OR4N2: variants seen among roughly 807,000 people sequenced by gnomAD.
The protein encoded by OR4N2 is olfactory receptor 4N2.
For synonymous variants in OR4N2, 141 were observed against 140.4 expected, an observed-to-expected ratio of 1.00 and a Z score of -0.03; for missense variants, 307 against 377.6, an observed-to-expected ratio of 0.81 and a Z score of 1.55.
intron 1 of OR4N2, among the ~76,000 whole-genome samples, chr14:19,816,969 G>A (rs1313993764): frequency 6.6e-6 from 1 of 152,230 alleles, no homozygotes; most frequent in African/African-American, 2.4e-5. Flanking sequence ...TTTTTCACTG[G>A]TTCTGTTTAT....
intron 1 of OR4N2, among the ~76,000 whole-genome samples, chr14:19,810,468 C>T (rs1879268857): frequency 1.3e-5 from 2 of 152,252 alleles, no homozygotes; most frequent in Admixed American, 1.3e-4. Context: ...TATCATTTAA[C>T]CTAGCAATCT....
intron 1 of OR4N2, among the ~76,000 whole-genome samples, chr14:19,809,034 G>A (rs1243111174): frequency 6.6e-6 from 1 of 152,092 alleles, no homozygotes; most frequent in Non-Finnish European, 1.5e-5. Flanking sequence ...ACTCTGTTTA[G>A]AAGCCCCTAC....
At chr14:19,806,754 A>G (rs1268084332) in intron 1 of OR4N2, among the ~76,000 whole-genome samples, 1 of 152,206 alleles carries the variant, frequency 6.6e-6, no homozygotes, top group African/African-American at 2.4e-5. Context: ...CAACCATGGA[A>G]TATTCATTCT....
chr14:19,823,955 G>T (rs936415170), intron 1 of OR4N2, among the ~76,000 whole-genome samples: 1 of 152,228 alleles, frequency 6.6e-6, no homozygotes, highest in East Asian at 1.9e-4. Flanking sequence ...ACACAGAGTT[G>T]CCTGGAGATG....
At chr14:19,814,355 C>A (rs1328581193) in intron 1 of OR4N2, among the ~76,000 whole-genome samples, 2 of 152,292 alleles carry the variant, frequency 1.3e-5, no homozygotes, top group East Asian at 3.9e-4. Flanking sequence ...CTATCCTATA[C>A]CAAGAAACTA....
chr14:19,823,677 G>A (rs1879621973), intron 1 of OR4N2, among the ~76,000 whole-genome samples: 1 of 150,780 alleles, frequency 6.6e-6, no homozygotes, highest in African/African-American at 2.4e-5. Flanking sequence ...ATGTAAGGGA[G>A]AAGAAAGAAA....
chr14:19,819,576 A>G (rs929664037), intron 1 of OR4N2, among the ~76,000 whole-genome samples: 4 of 152,232 alleles, frequency 2.6e-5, no homozygotes, highest in South Asian at 2.1e-4. Flanking sequence ...TATTCTAGTT[A>G]TCAATTCCTC....
chr14:19,828,498 A>G lies in OR4N2; in HGVS notation c.*126A>G, dbSNP rs1879787010. 4.8e-6 allele frequency: 5 copies of G among 1,031,522 alleles called. No individual in the cohort carries two copies. The highest frequency in any genetic ancestry group is 5.2e-5 in the East Asian group (2 of 38,336). 63.9% of individuals were successfully genotyped at this position (1,031,522 alleles called of 1,614,324 possible). On this transcript the variant is annotated 3_prime_UTR_variant, in exon 2 of 2. Coordinates refer to ENST00000557677, the MANE Select transcript of OR4N2 (RefSeq NM_001004723.3). The stretch of plus-strand genomic sequence containing the variant: ...TTGTCAGGACTATTCTGGGAACTGA[A>G]AAAAGAAATTACTGAGGCAGATAAG...
chr14:19,813,927 G>C (rs1879363852), intron 1 of OR4N2, among the ~76,000 whole-genome samples: 1 of 148,290 alleles, frequency 6.7e-6, no homozygotes, highest in South Asian at 2.1e-4. Context: ...TCTTTATTTT[G>C]ATTATTGTAA....
In OR4N2 at chr14:19,803,777, G is replaced by A. The variant is rs376681289; in HGVS notation, c.-77G>A. 3.3e-5 allele frequency: 5 copies of A among 152,382 alleles called. No individual in the cohort carries two copies. The East Asian group carries it at 7.7e-4, about 23-fold the overall frequency. The allele number at this position is 152,382 out of a possible 1,614,324, so 9.4% of individuals were successfully genotyped here. A position where few individuals can be genotyped will look rare whatever the true frequency, so the allele number is the denominator to read the frequency against. ...TTTTCAGAATAGTTTCAGAGGAAAG[G>A]TACTAGCTCTTCTTTATGCATCTGG... is the stretch of plus-strand genomic sequence containing the variant. On this transcript the variant is annotated 5_prime_UTR_variant, in exon 1 of 2. Transcript: ENST00000557677.
At chr14:19,808,531 T>C (rs1171768462) in intron 1 of OR4N2, among the ~76,000 whole-genome samples, 1 of 151,874 alleles carries the variant, frequency 6.6e-6, no homozygotes. Flanking sequence ...ACCAGAAAAC[T>C]CTACAAAATT....
intron 1 of OR4N2, among the ~76,000 whole-genome samples, chr14:19,821,326 A>T (rs1879560072): frequency 1.3e-5 from 2 of 152,222 alleles, no homozygotes; most frequent in Admixed American, 1.3e-4. Context: ...ATCTTCTGTG[A>T]GTAACCTTCT....
intron 1 of OR4N2, among the ~76,000 whole-genome samples, chr14:19,816,182 GCT>G (rs1338836728): frequency 7.7e-6 from 1 of 130,612 alleles, no homozygotes; most frequent in Admixed American, 7.7e-5. Flanking sequence ...GGCTATACAG[GCT>G]CTTTTTTTGT....
chr14:19,827,236 C>T (rs1446906536), intron 1 of OR4N2, among the ~76,000 whole-genome samples: 1 of 152,246 alleles, frequency 6.6e-6, no homozygotes. Context: ...AAAACTGTAG[C>T]TTTGAGAACC....
chr14:19,812,496 A>G (rs1566463764), intron 1 of OR4N2, among the ~76,000 whole-genome samples: 1 of 150,974 alleles, frequency 6.6e-6, no homozygotes, highest in Admixed American at 6.6e-5. Context: ...AGCCGAGATA[A>G]TTTTTTTGTT....
intron 1 of OR4N2, among the ~76,000 whole-genome samples, chr14:19,815,586 T>C (rs188502385): frequency 1.0e-3 from 157 of 152,306 alleles, no homozygotes; most frequent in African/African-American, 3.6e-3. Context: ...CTTTGTCAGA[T>C]GGATAGATTG....
At chr14:19,805,912 G>T (rs376582948) in intron 1 of OR4N2, among the ~76,000 whole-genome samples, 4 of 152,148 alleles carry the variant, frequency 2.6e-5, no homozygotes. Flanking sequence ...AAAATTGGGG[G>T]CCTATTTTTA....
chr14:19,815,700 T>C (rs1879410566), intron 1 of OR4N2, among the ~76,000 whole-genome samples: 1 of 151,834 alleles, frequency 6.6e-6, no homozygotes, highest in Non-Finnish European at 1.5e-5. Flanking sequence ...CTCTTCAGTT[T>C]AATTAGATCT....
intron 1 of OR4N2, among the ~76,000 whole-genome samples, chr14:19,808,795 T>C (rs1399153088): frequency 6.6e-6 from 1 of 150,942 alleles, no homozygotes; most frequent in Non-Finnish European, 1.5e-5. Flanking sequence ...CATGAACATA[T>C]GCACCTACTC....
Sources: allele counts gnomAD v4.1 joint callset (sites outside exome capture counted in the v4.1 genomes callset), GRCh38; gene constraint gnomAD v4.1.1; transcripts MANE v1.5; gene names NCBI Gene and HGNC (gene_info 2026-07-23, HGNC 2026-07-21).